The following KCNIP1 variants were observed in gnomAD, a reference collection of about 807,000 sequenced individuals.
The protein encoded by KCNIP1 is potassium voltage-gated channel interacting protein 1.
Under a neutral mutation model 33.0 loss-of-function variants are expected in KCNIP1, and 18 were observed. The observed-to-expected ratio is 0.55, with a 90% CI of 0.38 to 0.81. The LOEUF is 0.81. Among genes scored for constraint, KCNIP1 ranks in the 30% least tolerant of loss-of-function variants. The probability of loss-of-function intolerance (pLI) is 0.00; values close to 1 mark genes in which losing one functional copy is unlikely to be tolerated. For missense variants in KCNIP1, 238 were observed against 271.6 expected (o/e 0.88, Z 0.87); for synonymous variants, 93 against 98.3 (o/e 0.95, Z 0.32).
chr5:170,451,723 T>TGTGTGTGTGTGTGTG lies in KCNIP1; in HGVS notation c.88+97759_88+97760insGTGTGTGTGTGTGTG, dbSNP rs1756255311. On this transcript the variant is annotated intron_variant, in intron 1 of 7. Coordinates refer to the KCNIP1 transcript ENST00000377360. The stretch of plus-strand genomic sequence containing the variant: ...GACAGTTGCTTCAGCTTCTCCTGCA[T>TGTGTGTGTGTGTGTG]TGTGTGTGTGTGTGTGTGTGTGTGT... Among the ~76,000 whole-genome samples the TGTGTGTGTGTGTGTG allele has an allele frequency of 3.5e-3, 426 of 122,968 alleles. 5 individuals carry two copies. The highest frequency in any genetic ancestry group is 0.015 in the South Asian group (51 of 3,364). 80.7% of individuals were successfully genotyped at this position (122,968 alleles called of 152,430 possible).
At chr5:170,364,293 C>A (rs116329115) in intron 1 of KCNIP1, among the ~76,000 whole-genome samples, 1 of 152,208 alleles carries the variant, frequency 6.6e-6, no homozygotes, top group Admixed American at 6.5e-5. Flanking sequence ...GGCTGCCATA[C>A]CTGGCCCTCA....
intron 1 of KCNIP1, among the ~76,000 whole-genome samples, chr5:170,603,129 C>T (rs575373098): frequency 1.3e-5 from 2 of 151,054 alleles, no homozygotes; most frequent in African/African-American, 4.8e-5. Context: ...AACCTGCTTT[C>T]GGACATCTTT....
chr5:170,577,979 A>T (rs1757661591), intron 1 of KCNIP1, among the ~76,000 whole-genome samples: 1 of 152,238 alleles, frequency 6.6e-6, no homozygotes, highest in Non-Finnish European at 1.5e-5. Context: ...TGTGTCAATG[A>T]ACAACTTTGA....
chr5:170,395,802 TG>T (rs1754747513), intron 1 of KCNIP1, among the ~76,000 whole-genome samples: 1 of 152,214 alleles, frequency 6.6e-6, no homozygotes, highest in South Asian at 2.1e-4. Context: ...AATGCCACTT[TG>T]GGACCTACGA....
At chr5:170,532,217 G>T (rs932636842) in intron 1 of KCNIP1, among the ~76,000 whole-genome samples, 1 of 152,186 alleles carries the variant, frequency 6.6e-6, no homozygotes, top group African/African-American at 2.4e-5. Flanking sequence ...TACAAGAAAG[G>T]TTGCTTTCTT....
intron 1 of KCNIP1, among the ~76,000 whole-genome samples, chr5:170,685,120 C>T (rs774293154): frequency 2.0e-5 from 3 of 152,130 alleles, no homozygotes; most frequent in Non-Finnish European, 4.4e-5. Context: ...CAGTCTCCTG[C>T]TCTGCGTGGG....
intron 4 of KCNIP1, 144 bp from the exon 5 acceptor site, chr5:170,722,569 C>A: frequency 3.0e-6 from 2 of 669,598 alleles, no homozygotes; most frequent in Non-Finnish European, 5.3e-6. Context: ...GAGCTCTTCA[C>A]AGAGCATAGC....
intron 1 of KCNIP1, among the ~76,000 whole-genome samples, chr5:170,433,931 T>C (rs1755800886): frequency 6.6e-6 from 1 of 152,186 alleles, no homozygotes; most frequent in Non-Finnish European, 1.5e-5. Flanking sequence ...CTTTCCTGTC[T>C]CCATGCAGAG....
In KCNIP1 at chr5:170,712,492, G is replaced by T. The variant is rs76719871; in HGVS notation, c.62-6266G>T. Among the ~76,000 whole-genome samples the T allele has an allele frequency of 8.3e-4, 127 of 152,316 alleles. 6 individuals are homozygous for T. In the East Asian group the frequency reaches 0.024, roughly 29 times the overall value. On this transcript the variant is annotated intron_variant, in intron 1 of 7. Coordinates refer to ENST00000328939, the MANE Select transcript of KCNIP1 (RefSeq NM_014592.4). ...GAATGGGGGCCTCCTGATTGTGGAG[G>T]GTATCTTATAAGCCTCTCCTCAGTC...
At chr5:170,578,661 A>C (rs1757684872) in intron 1 of KCNIP1, among the ~76,000 whole-genome samples, 1 of 152,228 alleles carries the variant, frequency 6.6e-6, no homozygotes, top group African/African-American at 2.4e-5. Context: ...CAATGAAATA[A>C]CAAATAAGTC....
At chr5:170,680,881 G>A (rs1281932647) in intron 1 of KCNIP1, 1 of 394,446 alleles carries the variant, frequency 2.5e-6, no homozygotes, top group African/African-American at 2.1e-5. Flanking sequence ...GAGATTACCA[G>A]GTAGGAGGAG....
chr5:170,638,451 A>T (rs1760387076), intron 1 of KCNIP1, among the ~76,000 whole-genome samples: 1 of 152,198 alleles, frequency 6.6e-6, no homozygotes, highest in Non-Finnish European at 1.5e-5. Flanking sequence ...AAGGTCACAC[A>T]AGGTCTGAGT....
chr5:170,364,626 C>T (rs1294199672), intron 1 of KCNIP1, among the ~76,000 whole-genome samples: 1 of 152,164 alleles, frequency 6.6e-6, no homozygotes, highest in Non-Finnish European at 1.5e-5. Flanking sequence ...GGCTCTCTCC[C>T]TCAATTCATT....
intron 1 of KCNIP1, among the ~76,000 whole-genome samples, chr5:170,592,838 G>A (rs1253809826): frequency 6.6e-6 from 1 of 152,186 alleles, no homozygotes; most frequent in Non-Finnish European, 1.5e-5. Context: ...CATGTGGCAG[G>A]TGCTGCCTAA....
chr5:170,562,152 G>T (rs538590080), intron 1 of KCNIP1, among the ~76,000 whole-genome samples: 12 of 152,304 alleles, frequency 7.9e-5, no homozygotes, highest in Admixed American at 6.5e-4. Flanking sequence ...GAGGCAGCCG[G>T]CCCACCCTGG....
intron 1 of KCNIP1, among the ~76,000 whole-genome samples, chr5:170,402,919 T>C (rs1039544839): frequency 3.9e-5 from 6 of 152,246 alleles, no homozygotes; most frequent in Non-Finnish European, 1.5e-5. Flanking sequence ...GTGATTTCAC[T>C]GTCACAGAGC....
intron 1 of KCNIP1, among the ~76,000 whole-genome samples, chr5:170,582,695 G>C (rs1185838719): frequency 1.3e-5 from 2 of 152,152 alleles, no homozygotes; most frequent in African/African-American, 4.8e-5. Context: ...AGGCCAAAAA[G>C]CTCCAAGCAG....
intron 1 of KCNIP1, chr5:170,679,105 G>A (rs1762241711): frequency 6.6e-6 from 1 of 152,196 alleles, no homozygotes; most frequent in South Asian, 2.1e-4. Flanking sequence ...TTTTCTTCTG[G>A]GCAGATGGGA....
intron 1 of KCNIP1, among the ~76,000 whole-genome samples, chr5:170,451,760 T>C (rs931405146): frequency 1.3e-5 from 2 of 149,668 alleles, no homozygotes; most frequent in Admixed American, 6.6e-5. Flanking sequence ...TGTGTGTGTG[T>C]GTGTGTGTGT....
Sources: gnomAD v4.1 joint callset for allele counts (sites outside exome capture counted in the v4.1 genomes callset) on GRCh38, gnomAD v4.1.1 for gene constraint, MANE v1.5 for transcripts, NCBI Gene and HGNC (gene_info 2026-07-23, HGNC 2026-07-21) for gene names.